The following NRCAM variants were observed in gnomAD, a reference collection of about 807,000 sequenced individuals.
NRCAM encodes the protein neuronal cell adhesion molecule, also known as NgCAM-related cell adhesion molecule.
Under a neutral mutation model 156.5 loss-of-function variants are expected in NRCAM, and 83 were observed. The ratio of observed to expected loss-of-function variants is 0.53; its 90% confidence interval spans 0.44 to 0.64. The LOEUF is 0.64. Among genes scored for constraint, NRCAM ranks in the 30% least tolerant of loss-of-function variants. The pLI, the probability that NRCAM is intolerant of heterozygous loss-of-function variation, is 0.00. For synonymous variants in NRCAM, 538 were observed against 563.9 expected (o/e 0.95, Z 0.65); for missense variants, 1,417 against 1,597.3 (o/e 0.89, Z 1.92).
At chr7:108,268,728 C>CA (rs1351556239) in intron 3 of NRCAM, among the ~76,000 whole-genome samples, 1 of 151,408 alleles carries the variant, frequency 6.6e-6, no homozygotes, top group African/African-American at 2.4e-5. Flanking sequence ...GATTGTTCTA[C>CA]AGTGTTAGTG....
At chr7:108,253,831 T>C (rs942940084) in intron 3 of NRCAM, among the ~76,000 whole-genome samples, 5 of 152,068 alleles carry the variant, frequency 3.3e-5, no homozygotes, top group Non-Finnish European at 7.4e-5. Flanking sequence ...TGGGGGAGTT[T>C]TTCTGAGTAC....
intron 1 of NRCAM, among the ~76,000 whole-genome samples, chr7:108,451,167 C>T (rs1050471059): frequency 4.0e-5 from 6 of 150,054 alleles, no homozygotes; most frequent in African/African-American, 9.8e-5. Context: ...TGCAGTGAGC[C>T]GAGACTGCAG....
intron 2 of NRCAM, among the ~76,000 whole-genome samples, chr7:108,357,568 T>C (rs1310144578): frequency 6.6e-6 from 1 of 152,106 alleles, no homozygotes; most frequent in African/African-American, 2.4e-5. Flanking sequence ...TAACCTCAGG[T>C]GATCCACCCA....
At chr7:108,446,702 G>A (rs924012033) in intron 1 of NRCAM, among the ~76,000 whole-genome samples, 12 of 150,060 alleles carry the variant, frequency 8.0e-5, no homozygotes, top group African/African-American at 2.0e-4. Flanking sequence ...TTATACAATC[G>A]TATGTTCTCT....
At chr7:108,240,925 T>G (rs2095480920) in intron 3 of NRCAM, among the ~76,000 whole-genome samples, 1 of 152,216 alleles carries the variant, frequency 6.6e-6, no homozygotes, top group Non-Finnish European at 1.5e-5. Flanking sequence ...GATGCATTTC[T>G]GTTTTTCTTT....
chr7:108,330,428 T>C (rs1439489386), intron 2 of NRCAM, among the ~76,000 whole-genome samples: 1 of 152,162 alleles, frequency 6.6e-6, no homozygotes, highest in Non-Finnish European at 1.5e-5. Flanking sequence ...ATCAGAATTA[T>C]TTCAGCACAC....
At chr7:108,418,557 T>C (rs1462642457) in intron 1 of NRCAM, among the ~76,000 whole-genome samples, 4 of 106,428 alleles carry the variant, frequency 3.8e-5, no homozygotes, top group Non-Finnish European at 7.5e-5. Flanking sequence ...GGTATACATA[T>C]TATACACACA....
chr7:108,160,391 T>G lies in NRCAM; in HGVS notation c.3568A>C (p.Ile1190Leu). 1.2e-6 allele frequency: 2 copies of G among 1,613,592 alleles called. No individual in the cohort carries two copies. Among genetic ancestry groups the G allele is most frequent in the Non-Finnish European group, 8.5e-7 (1 of 1,179,582 alleles). ...LILILLIVCF[I>L]RRNKGGKYPV... ...TATTTACCACCCTTGTTTCTTCTGA[T>G]GAAGCAAACAATCAGCAAAATTAAG... The change falls in exon 31 of 33, where the codon ATC (isoleucine) becomes CTC (leucine). Residue 1190 changes from isoleucine (I) to leucine (L), a missense_variant. By Grantham distance (5) the Ile-to-Leu change is conservative (BLOSUM62 2). Coordinates refer to ENST00000379028, the MANE Select transcript of NRCAM (RefSeq NM_001037132.4).
At chr7:108,247,640 T>C (rs1168040207) in intron 3 of NRCAM, among the ~76,000 whole-genome samples, 1 of 143,460 alleles carries the variant, frequency 7.0e-6, no homozygotes, top group Non-Finnish European at 1.5e-5. Context: ...AAATTATGCC[T>C]AATTTATTGT....
At chr7:108,204,623 C>T (rs898038908) in intron 13 of NRCAM, among the ~76,000 whole-genome samples, 2 of 152,228 alleles carry the variant, frequency 1.3e-5, no homozygotes, top group African/African-American at 4.8e-5. Context: ...CCTTGCTTTG[C>T]TGCCACACCA....
intron 1 of NRCAM, among the ~76,000 whole-genome samples, chr7:108,407,492 A>G (rs2099810427): frequency 6.6e-6 from 1 of 152,184 alleles, no homozygotes; most frequent in Non-Finnish European, 1.5e-5. Context: ...GATTGTGATC[A>G]ACTGAACCGA....
intron 20 of NRCAM, among the ~76,000 whole-genome samples, chr7:108,184,824 T>A (rs1232294667): frequency 6.6e-6 from 1 of 152,150 alleles, no homozygotes; most frequent in Non-Finnish European, 1.5e-5. Context: ...AGTGGAAAAA[T>A]GGCATCTCAC....
Position 108,435,691 on chromosome 7 carries a change from CCT to C in NRCAM, c.-332+20550_-332+20551del, listed in dbSNP as rs1186872429. Among the ~76,000 whole-genome samples the C allele has an allele frequency of 1.1e-4, 17 of 152,220 alleles. No individual in the cohort carries two copies. In the East Asian group the frequency reaches 2.5e-3, roughly 22 times the overall value. On this transcript the variant is annotated intron_variant, in intron 1 of 32. Coordinates refer to ENST00000379028, the MANE Select transcript of NRCAM (RefSeq NM_001037132.4). ...GATGAAGTAATCGGTACAACAAACC[CCT>C]GTGACACGACTTCACCTATATAATA...
In NRCAM at chr7:108,268,545, T is replaced by C. The variant is rs1326994713; in HGVS notation, c.-106-28375A>G. Among the ~76,000 whole-genome samples, 37 of 144,198 alleles carry C rather than the reference T, an allele frequency of 2.6e-4. No homozygotes were observed. In the Admixed American group the frequency reaches 2.7e-3, roughly 11 times the overall value. The allele number at this position is 144,198 out of a possible 152,430, so 94.6% of individuals were successfully genotyped here. A position where few individuals can be genotyped will look rare whatever the true frequency, so the allele number is the denominator to read the frequency against. On this transcript the variant is annotated intron_variant, in intron 3 of 32. Transcript: ENST00000379028. ...CATGCTTCTGAAAGTGCCTAAAAGA[T>C]GTGGGTGATAGTGTCTACAATTCCC...
intron 6 of NRCAM, among the ~76,000 whole-genome samples, chr7:108,233,107 T>C (rs1368790419): frequency 6.6e-6 from 1 of 152,232 alleles, no homozygotes; most frequent in African/African-American, 2.4e-5. Context: ...ATTCTAGAGA[T>C]GATTTTGAGA....
rs752678736 is a variant in NRCAM, at chr7:108,150,024, A to G, written c.3801T>C (p.Asn1267=). Residue 1267 remains asparagine (N), a synonymous_variant, in exon 33 of 33, where the codon AAT becomes AAC. Transcript: ENST00000379028. ...ATTGTCCAATAAAGGAGCCATCCTCATTGAACTGGCCATTAACCCCTTCTC... is the reference window on the plus strand; with the variant it reads ...ATTGTCCAATAAAGGAGCCATCCTCGTTGAACTGGCCATTAACCCCTTCTC... ...DYGEGVNGQF[N]EDGSFIGQYS... 5.6e-6 allele frequency: 9 copies of G among 1,614,064 alleles called. No homozygotes were observed. The highest frequency in any genetic ancestry group is 7.6e-6 in the Non-Finnish European group (9 of 1,179,948).
intron 2 of NRCAM, among the ~76,000 whole-genome samples, chr7:108,347,186 T>C (rs2099363679): frequency 6.6e-6 from 1 of 151,882 alleles, no homozygotes; most frequent in Admixed American, 6.6e-5. Flanking sequence ...TACAGGCGCC[T>C]GCCACCATGC....
At chr7:108,190,896 T>C (rs370541528) in intron 19 of NRCAM, among the ~76,000 whole-genome samples, 1 of 91,994 alleles carries the variant, frequency 1.1e-5, no homozygotes, top group Non-Finnish European at 3.2e-5. Context: ...GCCTAATTTG[T>C]AGAATGATAT....
rs761891304 is a variant in NRCAM, at chr7:108,232,330, T to A, written c.423A>T (p.Pro141=). 3.1e-6 allele frequency: 5 copies of A among 1,597,010 alleles called. No individual in the cohort carries two copies. The African/African-American group carries it at 6.8e-5, about 22-fold the overall frequency. ...GGTTGACAAGTTTCCACTTACTGGATGGGCGGACAACAATGTTATTAGAAA... is the reference window on the plus strand; with the variant it reads ...GGTTGACAAGTTTCCACTTACTGGAAGGGCGGACAACAATGTTATTAGAAA... ...AAVSNNIVVR[P]SRSPLWTKEK... Residue 141 remains proline, a synonymous_variant, in exon 7 of 33, where the codon CCA becomes CCT. Coordinates refer to ENST00000379028, the MANE Select transcript of NRCAM (RefSeq NM_001037132.4).
Sources: allele counts gnomAD v4.1 joint callset (sites outside exome capture counted in the v4.1 genomes callset), GRCh38; gene constraint gnomAD v4.1.1; transcripts MANE v1.5; gene names NCBI Gene and HGNC (gene_info 2026-07-23, HGNC 2026-07-21).